Variants in L3MBTL4 observed in about 807,000 individuals in gnomAD.
L3MBTL4 encodes L3MBTL histone methyl-lysine binding protein 4.
In L3MBTL4, 70 loss-of-function variants were observed where a neutral mutation model predicts 84.5. The ratio of observed to expected loss-of-function variants is 0.83; its 90% CI spans 0.68 to 1.01. L3MBTL4 has a LOEUF of 1.01. Among genes scored for constraint, L3MBTL4 ranks in the 50% least tolerant of loss-of-function variants. L3MBTL4 has a pLI of 0.00. For missense variants in L3MBTL4, 715 were observed against 754.8 expected, an observed-to-expected ratio of 0.95 and a Z score of 0.62; for synonymous variants, 274 against 259.8, an observed-to-expected ratio of 1.05 and a Z score of -0.52.
chr18:5,955,473 G>T lies in L3MBTL4; in HGVS notation c.*747C>A, dbSNP rs1567906698. Reference sequence around the variant, plus strand: ...GCAGCCACACCAGTGTTAGGACAGGGTCCCCTGAGGCCCCGCTGATGGTGG... The same window carrying T: ...GCAGCCACACCAGTGTTAGGACAGGTTCCCCTGAGGCCCCGCTGATGGTGG... On this transcript the variant is annotated 3_prime_UTR_variant, in exon 19 of 19. Transcript: ENST00000317931. 2.6e-5 allele frequency: 4 copies of T among 152,218 alleles called. No homozygotes were observed. In the South Asian group the frequency reaches 8.3e-4, roughly 32 times the overall value. 9.4% of individuals were successfully genotyped at this position (152,218 alleles called of 1,614,324 possible).
At chr18:6,131,780 G>T (rs545942903) in intron 14 of L3MBTL4, among the ~76,000 whole-genome samples, 1 of 152,246 alleles carries the variant, frequency 6.6e-6, no homozygotes, top group Non-Finnish European at 1.5e-5. Context: ...ATTCTCAAAA[G>T]ATACTATCCA....
intron 14 of L3MBTL4, among the ~76,000 whole-genome samples, chr18:6,136,478 TG>T (rs2060032021): frequency 6.6e-6 from 1 of 152,146 alleles, no homozygotes; most frequent in African/African-American, 2.4e-5. Flanking sequence ...GCATGAAAGA[TG>T]GAAAATTGAA....
chr18:6,046,744 C>A (rs1444253379), intron 16 of L3MBTL4: 1 of 775,222 alleles, frequency 1.3e-6, no homozygotes, highest in Non-Finnish European at 2.4e-6. Context: ...CTCTGGGATG[C>A]AGCACAAGCA....
At chr18:6,092,720 TTTAAA>T (rs2058500832) in intron 15 of L3MBTL4, among the ~76,000 whole-genome samples, 1 of 152,250 alleles carries the variant, frequency 6.6e-6, no homozygotes, top group African/African-American at 2.4e-5. Flanking sequence ...AAAGATGTTA[TTTAAA>T]TTATTTTACT....
chr18:6,343,493 C>T (rs1225316754), intron 1 of L3MBTL4, among the ~76,000 whole-genome samples: 1 of 151,864 alleles, frequency 6.6e-6, no homozygotes, highest in East Asian at 1.9e-4. Flanking sequence ...GAAACCCCGT[C>T]TCTACTAAAA....
intron 1 of L3MBTL4, among the ~76,000 whole-genome samples, chr18:6,313,800 G>C (rs961473708): frequency 6.6e-6 from 1 of 152,054 alleles, no homozygotes; most frequent in African/African-American, 2.4e-5. Flanking sequence ...CAGCAAGAAA[G>C]CCTGAATTCA....
intron 16 of L3MBTL4, 111 bp from the exon 17 acceptor site, chr18:5,969,673 A>T: frequency 9.7e-7 from 1 of 1,030,866 alleles, no homozygotes; most frequent in Non-Finnish European, 1.4e-6. Context: ...TGCAGACACC[A>T]CCAGAACCCG....
intron 15 of L3MBTL4, among the ~76,000 whole-genome samples, chr18:6,083,600 A>C (rs147378464): frequency 1.3e-5 from 2 of 152,340 alleles, no homozygotes; most frequent in Non-Finnish European, 2.9e-5. Context: ...TGTTTTAGCT[A>C]AAATAGTCTC....
chr18:6,335,463 G>A (rs2052285657), intron 1 of L3MBTL4, among the ~76,000 whole-genome samples: 1 of 152,144 alleles, frequency 6.6e-6, no homozygotes, highest in Non-Finnish European at 1.5e-5. Flanking sequence ...AGAGTGTCAT[G>A]ACTACTCTAA....
chr18:6,007,775 A>AC (rs1440880807), intron 16 of L3MBTL4, among the ~76,000 whole-genome samples: 2 of 152,276 alleles, frequency 1.3e-5, no homozygotes, highest in Middle Eastern at 3.4e-3. Context: ...CTATAAAACT[A>AC]CCCTCTAGGC....
chr18:6,313,725 A>G (rs897265642), intron 1 of L3MBTL4, among the ~76,000 whole-genome samples: 2 of 152,080 alleles, frequency 1.3e-5, no homozygotes, highest in African/African-American at 4.8e-5. Flanking sequence ...TTTTCTCCTC[A>G]CCATCAAAAA....
chr18:6,071,169 T>C (rs1238033240), intron 16 of L3MBTL4, among the ~76,000 whole-genome samples: 1 of 151,700 alleles, frequency 6.6e-6, no homozygotes, highest in African/African-American at 2.4e-5. Context: ...GGTGGGGAGA[T>C]CACTTGAGGC....
At chr18:6,253,257 T>G (rs1250536027) in intron 5 of L3MBTL4, among the ~76,000 whole-genome samples, 1 of 152,136 alleles carries the variant, frequency 6.6e-6, no homozygotes, top group Non-Finnish European at 1.5e-5. Context: ...CAATCCCCAT[T>G]TCACACATGA....
chr18:6,237,002 A>G (rs1207503124), intron 10 of L3MBTL4, among the ~76,000 whole-genome samples: 2 of 152,234 alleles, frequency 1.3e-5, no homozygotes, highest in Non-Finnish European at 2.9e-5. Flanking sequence ...TTGAAAGAAA[A>G]TATCTGTCTG....
chr18:6,012,759 C>A (rs2054795348), intron 16 of L3MBTL4, among the ~76,000 whole-genome samples: 1 of 152,042 alleles, frequency 6.6e-6, no homozygotes, highest in African/African-American at 2.4e-5. Context: ...CACCACAGAG[C>A]AAGACCCTGT....
At chr18:6,349,023 A>G (rs887231329) in intron 1 of L3MBTL4, among the ~76,000 whole-genome samples, 2 of 152,238 alleles carry the variant, frequency 1.3e-5, no homozygotes, top group Admixed American at 1.3e-4. Flanking sequence ...AGCCACCAAA[A>G]TGGTTAAAAT....
intron 16 of L3MBTL4, among the ~76,000 whole-genome samples, chr18:6,036,991 T>C (rs1598511020): frequency 6.6e-6 from 1 of 152,046 alleles, no homozygotes; most frequent in Admixed American, 6.6e-5. Context: ...GGGAAGGGGG[T>C]AAAAAATAAA....
intron 12 of L3MBTL4, among the ~76,000 whole-genome samples, chr18:6,201,527 C>G (rs527485572): frequency 2.0e-5 from 3 of 152,152 alleles, no homozygotes; most frequent in Non-Finnish European, 2.9e-5. Context: ...GAAGGCAAAT[C>G]TCTCAGAATG....
chr18:6,294,626 G>A (rs1260455651), intron 4 of L3MBTL4, among the ~76,000 whole-genome samples: 2 of 152,156 alleles, frequency 1.3e-5, no homozygotes, highest in Admixed American at 1.3e-4. Flanking sequence ...CCCTACGTAA[G>A]TGCACTGCCT....
Sources: allele counts gnomAD v4.1 joint callset (sites outside exome capture counted in the v4.1 genomes callset), GRCh38; gene constraint gnomAD v4.1.1; transcripts MANE v1.5; gene names NCBI Gene and HGNC (gene_info 2026-07-23, HGNC 2026-07-21).